Variants in ZEB1 observed in about 807,000 individuals in gnomAD.
The protein encoded by ZEB1 is zinc finger E-box-binding homeobox 1.
ZEB1 carries 21 observed loss-of-function variants against 84.9 expected under a neutral mutation model. That is an observed-to-expected ratio of 0.25 (90% CI 0.18 to 0.36). ZEB1 has a LOEUF of 0.36. ZEB1 is among the 10% of genes least tolerant of loss of function. The probability of loss-of-function intolerance (pLI) is 1.00; values close to 1 mark genes in which losing one functional copy is unlikely to be tolerated. For synonymous variants in ZEB1, 420 were observed against 471.1 expected, an observed-to-expected ratio of 0.89 and a Z score of 1.41; for missense variants, 1,104 against 1,330.2, an observed-to-expected ratio of 0.83 and a Z score of 2.65.
rs146384341 is a variant in ZEB1, at chr10:31,520,548, A to G, written c.1216A>G (p.Ile406Val). 6 of 1,613,844 alleles carry G rather than the reference A, an allele frequency of 3.7e-6. No homozygotes were observed. The highest frequency in any genetic ancestry group is 2.2e-5 in the East Asian group (1 of 44,864). The change falls in exon 7 of 9, where the codon ATA (isoleucine) becomes GTA (valine). Residue 406 changes from isoleucine (I) to valine (V), a missense_variant. Physicochemically the swap from Ile to Val is conservative, Grantham distance 29. This residue lies in a region of ZEB1 where 111 missense variants were observed against 161.8 expected (regional missense o/e 0.69). Transcript: ENST00000424869. The surrounding 1 kb of genome is among the most constrained non-coding windows in gnomAD (Gnocchi z 5.1). ...VLPTVGLVSP[I>V]SINLSDIQNV... ...GCCAACAGTTGGTTTGGTGTCTCCC[A>G]TAAGTATCAATTTAAGTGATATTCA...
intron 1 of ZEB1, among the ~76,000 whole-genome samples, chr10:31,443,929 G>A (rs2059402432): frequency 6.7e-6 from 1 of 150,150 alleles, no homozygotes; most frequent in Admixed American, 6.6e-5. Flanking sequence ...TATATACCCA[G>A]TAATGGGATG....
At chr10:31,423,571 A>G (rs1011285273) in intron 1 of ZEB1, among the ~76,000 whole-genome samples, 3 of 152,142 alleles carry the variant, frequency 2.0e-5, no homozygotes, top group Admixed American at 6.6e-5. Context: ...GTTACTATAT[A>G]ATGCAAATGC....
At chr10:31,322,327 CG>C (rs1224241101) in intron 1 of ZEB1, among the ~76,000 whole-genome samples, 3 of 152,086 alleles carry the variant, frequency 2.0e-5, no homozygotes, top group Non-Finnish European at 4.4e-5. Context: ...CCTGGCAAAA[CG>C]TTAACTCTCA....
At chr10:31,430,363 A>T (rs954660824) in intron 1 of ZEB1, among the ~76,000 whole-genome samples, 1 of 152,170 alleles carries the variant, frequency 6.6e-6, no homozygotes, top group Non-Finnish European at 1.5e-5. Flanking sequence ...AAAAAATCTT[A>T]TAAGTAGTTA....
intron 4 of ZEB1, among the ~76,000 whole-genome samples, chr10:31,503,018 A>T (rs1221231386): frequency 6.6e-6 from 1 of 152,192 alleles, no homozygotes; most frequent in Admixed American, 6.5e-5. Flanking sequence ...GCTGTGATAC[A>T]GTTTGGGAGG....
At chr10:31,496,832 C>T (rs778956699) in intron 3 of ZEB1, among the ~76,000 whole-genome samples, 20 of 151,970 alleles carry the variant, frequency 1.3e-4, no homozygotes, top group Non-Finnish European at 2.2e-4. Flanking sequence ...AGGTATGGTT[C>T]ATGGCTAATA....
At chr10:31,352,996 A>G (rs2041554870) in intron 1 of ZEB1, among the ~76,000 whole-genome samples, 1 of 152,240 alleles carries the variant, frequency 6.6e-6, no homozygotes. Context: ...TTTGCTGAGC[A>G]TGGGTATTTG....
At chr10:31,437,277 G>T (rs1242621517) in intron 1 of ZEB1, among the ~76,000 whole-genome samples, 2 of 152,032 alleles carry the variant, frequency 1.3e-5, no homozygotes, top group Admixed American at 1.3e-4. Flanking sequence ...ACTCATATTT[G>T]CAAAGATTAC....
intron 1 of ZEB1, among the ~76,000 whole-genome samples, chr10:31,402,967 G>C (rs916553649): frequency 6.6e-6 from 1 of 152,006 alleles, no homozygotes; most frequent in African/African-American, 2.4e-5. Context: ...GTTATTAGCT[G>C]TTAGAAATCC....
In ZEB1 at chr10:31,381,560, A is replaced by G. The variant is rs550282715; in HGVS notation, c.58+62268A>G. On this transcript the variant is annotated intron_variant, in intron 1 of 8. Transcript: ENST00000424869. ...TTAACCTCTAACTTCCAAAATTTCTAGTGATTTATTTTATAGTGATTCTGT... is the reference window on the plus strand; with the variant it reads ...TTAACCTCTAACTTCCAAAATTTCTGGTGATTTATTTTATAGTGATTCTGT... 1.4e-3 allele frequency among the ~76,000 whole-genome samples: 216 copies of G among 152,334 alleles called. 1 individual carries two copies. Among genetic ancestry groups the G allele is most frequent in the Non-Finnish European group, 2.4e-3 (163 of 68,028 alleles).
At chr10:31,323,582 T>G (rs2034674224) in intron 1 of ZEB1, among the ~76,000 whole-genome samples, 1 of 152,118 alleles carries the variant, frequency 6.6e-6, no homozygotes, top group African/African-American at 2.4e-5. Flanking sequence ...TTGTCAGTTG[T>G]AATTAAGGAA....
At chr10:31,480,877 T>C (rs1275492131) in intron 2 of ZEB1, among the ~76,000 whole-genome samples, 1 of 152,114 alleles carries the variant, frequency 6.6e-6, no homozygotes, top group Non-Finnish European at 1.5e-5. Context: ...CATAATAGTT[T>C]TATTACTGTT....
chr10:31,438,340 CTTA>C (rs1008444001), intron 1 of ZEB1, among the ~76,000 whole-genome samples: 13 of 152,080 alleles, frequency 8.5e-5, no homozygotes, highest in Admixed American at 3.3e-4. Flanking sequence ...GAAAATAGAT[CTTA>C]TTATTGTCTC....
At chr10:31,467,096 G>C (rs188042113) in intron 2 of ZEB1, among the ~76,000 whole-genome samples, 2 of 152,264 alleles carry the variant, frequency 1.3e-5, no homozygotes, top group African/African-American at 4.8e-5. Context: ...GCTCAGTATT[G>C]CCAGACACCT....
chr10:31,442,024 G>C (rs906128399), intron 1 of ZEB1, among the ~76,000 whole-genome samples: 2 of 152,156 alleles, frequency 1.3e-5, no homozygotes, highest in African/African-American at 4.8e-5. Flanking sequence ...TCTAGAACTA[G>C]AAATACCATT....
intron 2 of ZEB1, among the ~76,000 whole-genome samples, chr10:31,473,822 A>G (rs1256803050): frequency 2.0e-5 from 3 of 150,578 alleles, no homozygotes; most frequent in African/African-American, 4.9e-5. Context: ...CTACAAGGCT[A>G]CAGTAACCAA....
chr10:31,520,859 A>G lies in ZEB1; in HGVS notation c.1527A>G (p.Leu509=), dbSNP rs769912772. 6 of 1,614,146 alleles carry G rather than the reference A, an allele frequency of 3.7e-6. No homozygotes were observed. Among genetic ancestry groups the G allele is most frequent in the Non-Finnish European group, 5.1e-6 (6 of 1,180,004 alleles). Residue 509 remains leucine (L), a synonymous_variant, in exon 7 of 9, where the codon TTA becomes TTG. Transcript: ENST00000424869. This position sits in a 1 kb window ranked among gnomAD's most constrained non-coding sequence, Gnocchi z 5.1. ...CAAACAGTTGTAAAAGTGAAAAGTTACCAGAAGATCTTACTGTTAAGTCTG... is the reference window on the plus strand; with the variant it reads ...CAAACAGTTGTAAAAGTGAAAAGTTGCCAGAAGATCTTACTGTTAAGTCTG... ...VATNSCKSEK[L]PEDLTVKSEK...
chr10:31,457,587 T>C (rs1374401252), intron 1 of ZEB1, among the ~76,000 whole-genome samples: 1 of 152,124 alleles, frequency 6.6e-6, no homozygotes, highest in African/African-American at 2.4e-5. Context: ...TTATAAAATA[T>C]ATACAATCTC....
intron 1 of ZEB1, among the ~76,000 whole-genome samples, chr10:31,444,213 T>G (rs2136691683): frequency 7.5e-6 from 1 of 132,484 alleles, no homozygotes; most frequent in East Asian, 2.2e-4. Context: ...AATGTCTTCT[T>G]TTGAGAAGTG....
Sources: gnomAD v4.1 joint callset for allele counts (sites outside exome capture counted in the v4.1 genomes callset) on GRCh38, gnomAD v4.1.1 for gene constraint, gnomAD v4.1.1 regional missense constraint, Gnocchi (gnomAD v3.1) non-coding constraint, MANE v1.5 for transcripts, NCBI Gene and HGNC (gene_info 2026-07-23, HGNC 2026-07-21) for gene names.